Variants in PTGER2 observed in about 807,000 individuals in gnomAD.
The protein encoded by PTGER2 is prostaglandin E2 receptor EP2 subtype.
Under a neutral mutation model 26.2 loss-of-function variants are expected in PTGER2, and 22 were observed. That is an observed-to-expected ratio of 0.84 (90% CI 0.60 to 1.20). PTGER2 has a LOEUF of 1.20. Among genes scored for constraint, PTGER2 ranks in the 50% most tolerant of loss-of-function variants. The pLI, the probability that PTGER2 is intolerant of heterozygous loss-of-function variation, is 0.00. For synonymous variants in PTGER2, 219 were observed against 208.9 expected (o/e 1.05, Z -0.42); for missense variants, 458 against 475.2 (o/e 0.96, Z 0.34).
At chr14:52,323,656 G>T (rs959317462) in intron 1 of PTGER2, among the ~76,000 whole-genome samples, 1 of 152,172 alleles carries the variant, frequency 6.6e-6, no homozygotes, top group African/African-American at 2.4e-5. Flanking sequence ...AGATAGAAAA[G>T]TAGCGCAAAA....
chr14:52,327,720 C>T lies in PTGER2; in HGVS notation c.*266C>T. The T allele has an allele frequency of 2.6e-6, 1 of 389,234 alleles. No individual in the cohort carries two copies. Among genetic ancestry groups the T allele is most frequent in the South Asian group, 4.5e-5 (1 of 22,020 alleles). 24.1% of individuals were successfully genotyped at this position (389,234 alleles called of 1,614,324 possible). A position where few individuals can be genotyped will look rare whatever the true frequency, so the allele number is the denominator to read the frequency against. On this transcript the variant is annotated 3_prime_UTR_variant, in exon 2 of 2. Transcript: ENST00000245457. ...TCGGCTGCATTGAAGATCCAGCTGC[C>T]TATTGATTTAAGCTTTCCTGTTGAA... is the stretch of plus-strand genomic sequence containing the variant.
rs1388849002 is a variant in PTGER2, at chr14:52,314,740, C to A, written c.192C>A (p.Leu64=). Residue 64 remains leucine, a synonymous_variant, in exon 1 of 2, where the codon CTC becomes CTA. Coordinates refer to ENST00000245457, the MANE Select transcript of PTGER2 (RefSeq NM_000956.4). The surrounding 1 kb of genome is among the most constrained non-coding windows in gnomAD (Gnocchi z 5.7). ...GCAGCGCCGGCCGCAGGAGCTCCCT[C>A]TCCTTGTTCCACGTGCTGGTGACCG... ...VGCSAGRRSS[L]SLFHVLVTEL... is the part of the protein sequence containing the mutation. The A allele has an allele frequency of 6.3e-7, 1 of 1,596,162 alleles. No individual in the cohort carries two copies. Among genetic ancestry groups the A allele is most frequent in the South Asian group, 1.1e-5 (1 of 90,096 alleles).
intron 1 of PTGER2, 42 bp from the exon 2 acceptor site, chr14:52,327,179 C>T (rs769019735): frequency 4.3e-6 from 6 of 1,390,232 alleles, no homozygotes; most frequent in South Asian, 1.2e-5. Context: ...TCTACTGCTA[C>T]GATGTAAAAC....
At chr14:52,318,126 G>A (rs552847315) in intron 1 of PTGER2, among the ~76,000 whole-genome samples, 1 of 152,310 alleles carries the variant, frequency 6.6e-6, no homozygotes, top group African/African-American at 2.4e-5. Flanking sequence ...TTTCCTCCAA[G>A]TCCTTTTATT....
At chr14:52,327,156 G>A (rs1448361572) in intron 1 of PTGER2, 65 bp from the exon 2 acceptor site, 7 of 1,170,298 alleles carry the variant, frequency 6.0e-6, no homozygotes, top group Non-Finnish European at 8.5e-6. Context: ...ACATAACATA[G>A]GGTCTAAGCC....
At chr14:52,324,753 C>T (rs1376056626) in intron 1 of PTGER2, among the ~76,000 whole-genome samples, 1 of 152,088 alleles carries the variant, frequency 6.6e-6, no homozygotes, top group African/African-American at 2.4e-5. Context: ...AGGCAAAAGA[C>T]AAGAACCAAA....
intron 1 of PTGER2, among the ~76,000 whole-genome samples, chr14:52,326,674 G>C (rs1023239971): frequency 3.3e-5 from 5 of 152,152 alleles, no homozygotes; most frequent in Non-Finnish European, 7.3e-5. Flanking sequence ...ACCCTGTCTC[G>C]CTGAATTGTG....
chr14:52,318,199 G>A (rs1027175825), intron 1 of PTGER2, among the ~76,000 whole-genome samples: 6 of 152,176 alleles, frequency 3.9e-5, no homozygotes, highest in African/African-American at 1.4e-4. Context: ...ACCTGAAGCA[G>A]GAATCATTTC....
At position 52,314,902 on chromosome 14, in the gene PTGER2, C is replaced by A. The variant is rs1411911492; in HGVS notation, c.354C>A (p.Phe118Leu). ...ACTYFAFAMT[F>L]FSLATMLMLF... is the part of the protein sequence containing the mutation. The stretch of plus-strand genomic sequence containing the variant: ...CCTACTTCGCTTTCGCCATGACCTT[C>A]TTCAGCCTGGCCACGATGCTCATGC... Residue 118 changes from phenylalanine to leucine, a missense_variant, in exon 1 of 2, where the codon TTC (phenylalanine) becomes TTA (leucine). Transcript: ENST00000245457. The surrounding 1 kb of genome is among the most constrained non-coding windows in gnomAD (Gnocchi z 5.7). 2.5e-6 allele frequency: 4 copies of A among 1,612,890 alleles called. No homozygotes were observed. In the South Asian group the frequency reaches 4.4e-5, roughly 18 times the overall value.
At chr14:52,325,519 G>T (rs2033941213) in intron 1 of PTGER2, among the ~76,000 whole-genome samples, 1 of 152,204 alleles carries the variant, frequency 6.6e-6, no homozygotes, top group African/African-American at 2.4e-5. Context: ...ACGTGTGTGT[G>T]CATATGTAAT....
At chr14:52,316,740 C>T (rs1393050936) in intron 1 of PTGER2, among the ~76,000 whole-genome samples, 2 of 152,218 alleles carry the variant, frequency 1.3e-5, no homozygotes, top group Non-Finnish European at 2.9e-5. Flanking sequence ...TAGCTACGTT[C>T]TCTTCTCCCT....
chr14:52,328,019 A>G lies in PTGER2; in HGVS notation c.*565A>G, dbSNP rs2033970067. On this transcript the variant is annotated 3_prime_UTR_variant, in exon 2 of 2. Coordinates refer to ENST00000245457, the MANE Select transcript of PTGER2 (RefSeq NM_000956.4). ...GTGGGAGTACTCTCATCACTACAGT[A>G]TTACTCTTACAAGAGTGGACTCAGT... 6.5e-6 allele frequency: 1 copy of G among 153,008 alleles called. No individual in the cohort carries two copies. The highest frequency in any genetic ancestry group is 6.5e-5 in the Admixed American group (1 of 15,328). The allele number at this position is 153,008 out of a possible 1,614,324, so 9.5% of individuals were successfully genotyped here. A position where few individuals can be genotyped will look rare whatever the true frequency, so the allele number is the denominator to read the frequency against.
rs1359931862 is a variant in PTGER2, at chr14:52,315,292, C to T, written c.744C>T (p.Arg248=). Residue 248 remains arginine, a synonymous_variant, in exon 1 of 2, where the codon CGC becomes CGT. Coordinates refer to ENST00000245457, the MANE Select transcript of PTGER2 (RefSeq NM_000956.4). ...LGSGRGGPGA[R]RRGERVSMAE... Reference sequence around the variant, plus strand: ...GTGGCCGGGGCGGCCCCGGGGCCCGCAGGAGAGGGGAAAGGGTGTCCATGG... The same window carrying T: ...GTGGCCGGGGCGGCCCCGGGGCCCGTAGGAGAGGGGAAAGGGTGTCCATGG... 3 of 1,613,594 alleles carry T rather than the reference C, an allele frequency of 1.9e-6. No homozygotes were observed. The highest frequency in any genetic ancestry group is 2.5e-6 in the Non-Finnish European group (3 of 1,179,946).
chr14:52,326,360 A>G (rs1311179544), intron 1 of PTGER2, among the ~76,000 whole-genome samples: 2 of 152,226 alleles, frequency 1.3e-5, no homozygotes, highest in African/African-American at 4.8e-5. Context: ...TGAGCAAATT[A>G]TCTAATTTTC....
chr14:52,319,748 G>A (rs933443674), intron 1 of PTGER2, among the ~76,000 whole-genome samples: 3 of 152,062 alleles, frequency 2.0e-5, no homozygotes, highest in Non-Finnish European at 2.9e-5. Context: ...ATTTTAAACT[G>A]TTTTCCACAT....
intron 1 of PTGER2, among the ~76,000 whole-genome samples, chr14:52,318,990 G>A (rs1191876027): frequency 6.6e-6 from 1 of 152,190 alleles, no homozygotes; most frequent in African/African-American, 2.4e-5. Context: ...CTCACCCTGT[G>A]TCCCACAGCT....
rs534174815 is a variant in PTGER2 at position 52,321,374 on chromosome 14, T to C, written c.844-5847T>C. Among the ~76,000 whole-genome samples the C allele has an allele frequency of 1.3e-3, 195 of 152,262 alleles. 3 individuals carry two copies. Among genetic ancestry groups the C allele is most frequent in the Middle Eastern group, 3.4e-3 (1 of 294 alleles). On this transcript the variant is annotated intron_variant, in intron 1 of 1. Coordinates refer to ENST00000245457, the MANE Select transcript of PTGER2 (RefSeq NM_000956.4). ...TGCTTGCAATTTAGCTGTGGAAAAG[T>C]GTGGAGGAAAAACAAGTCCCAGAGA...
intron 1 of PTGER2, among the ~76,000 whole-genome samples, chr14:52,316,342 A>G (rs2033840642): frequency 6.6e-6 from 1 of 152,226 alleles, no homozygotes; most frequent in African/African-American, 2.4e-5. Context: ...GCTAAATGAT[A>G]TGAGGCTGTG....
rs1157566379 is a variant in PTGER2, at chr14:52,327,485, A to G, written c.*31A>G. ...GTAGTTTAAAAGTTCTTAGTTATAT[A>G]GCATCTGGAAGATCATTTTGAAATT... is the stretch of plus-strand genomic sequence containing the variant. On this transcript the variant is annotated 3_prime_UTR_variant, in exon 2 of 2. Coordinates refer to ENST00000245457, the MANE Select transcript of PTGER2 (RefSeq NM_000956.4). The G allele has an allele frequency of 1.4e-6, 2 of 1,455,546 alleles. No homozygotes were observed. Among genetic ancestry groups the G allele is most frequent in the East Asian group, 2.3e-5 (1 of 43,912 alleles). The allele number at this position is 1,455,546 out of a possible 1,614,324, so 90.2% of individuals were successfully genotyped here. A position where few individuals can be genotyped will look rare whatever the true frequency, so the allele number is the denominator to read the frequency against.
Sources: gnomAD v4.1 joint callset for allele counts (sites outside exome capture counted in the v4.1 genomes callset) on GRCh38, gnomAD v4.1.1 for gene constraint, Gnocchi (gnomAD v3.1) non-coding constraint, MANE v1.5 for transcripts, NCBI Gene and HGNC (gene_info 2026-07-23, HGNC 2026-07-21) for gene names.